Variants in F13A1 observed in about 807,000 individuals in gnomAD.
The protein encoded by F13A1 is coagulation factor XIII A chain.
A neutral mutation model predicts 80.1 loss-of-function variants in F13A1; 47 were observed. That is an observed-to-expected ratio of 0.59 (90% CI 0.46 to 0.75). The LOEUF is 0.75. Ranked by LOEUF, F13A1 falls within the 30% of genes least tolerant of loss-of-function variation. F13A1 has a pLI of 0.00. For missense variants in F13A1, 817 were observed against 930.4 expected, an observed-to-expected ratio of 0.88 and a Z score of 1.59; for synonymous variants, 349 against 344.9, an observed-to-expected ratio of 1.01 and a Z score of -0.13.
intron 4 of F13A1, among the ~76,000 whole-genome samples, chr6:6,258,843 C>T (rs1277578279): frequency 5.9e-5 from 9 of 152,188 alleles, no homozygotes; most frequent in Non-Finnish European, 1.5e-5. Context: ...TATGCAAATA[C>T]TGTTCTGGGT....
chr6:6,186,146 CA>C lies in F13A1; in HGVS notation c.1306-4006del, dbSNP rs1340803413. On this transcript the variant is annotated intron_variant, in intron 10 of 14. Transcript: ENST00000264870. ...AGCCCTTTGTCAGATGAGTAGGTTG[CA>C]AAAATTTTCTCCCATTCTGTAGGTT... 2.6e-5 allele frequency among the ~76,000 whole-genome samples: 4 copies of C among 151,026 alleles called. No homozygotes were observed. In the East Asian group the frequency reaches 7.8e-4, roughly 30 times the overall value.
At chr6:6,201,906 C>A (rs1226782879) in intron 8 of F13A1, among the ~76,000 whole-genome samples, 1 of 152,098 alleles carries the variant, frequency 6.6e-6, no homozygotes, top group African/African-American at 2.4e-5. Flanking sequence ...ACAGTAGTGT[C>A]ATTTCCCTTT....
intron 7 of F13A1, among the ~76,000 whole-genome samples, chr6:6,224,108 G>A (rs1453414237): frequency 2.0e-5 from 3 of 152,172 alleles, no homozygotes; most frequent in Non-Finnish European, 2.9e-5. Context: ...TTAAAAACCA[G>A]AGGGGAAACT....
intron 2 of F13A1, among the ~76,000 whole-genome samples, chr6:6,313,441 A>G (rs1435614941): frequency 6.6e-6 from 1 of 152,130 alleles, no homozygotes; most frequent in African/African-American, 2.4e-5. Flanking sequence ...CGGAGGAGCA[A>G]CTGCCTCCCT....
rs756889000 is a variant in F13A1, at chr6:6,145,580, G to C, written c.*39C>G. 5.6e-6 allele frequency: 9 copies of C among 1,613,958 alleles called. No homozygotes were observed. Among genetic ancestry groups the C allele is most frequent in the Non-Finnish European group, 7.6e-6 (9 of 1,179,878 alleles). ...AGAATTTCCTTAGCCAAGACTACAA[G>C]AGGCCAAATGCCAGGGTTCATCTCA... On this transcript the variant is annotated 3_prime_UTR_variant, in exon 15 of 15. Transcript: ENST00000264870.
Position 6,250,637 on chromosome 6 carries a change from C to T in F13A1, c.690+174G>A, listed in dbSNP as rs187798801. 3.9e-5 allele frequency among the ~76,000 whole-genome samples: 6 copies of T among 152,262 alleles called. No homozygotes were observed. The highest frequency in any genetic ancestry group is 9.6e-5 in the African/African-American group (4 of 41,562). On this transcript the variant is annotated intron_variant, in intron 5 of 14. Coordinates refer to ENST00000264870, the MANE Select transcript of F13A1 (RefSeq NM_000129.4). The surrounding 1 kb of genome is among the most constrained non-coding windows in gnomAD (Gnocchi z 4.2). ...ATATGTGGTTTCAGCTGATAAATTA[C>T]GCAGTTGTCTTTATGAGTCCCTACT...
At chr6:6,281,652 T>C (rs942623585) in intron 3 of F13A1, among the ~76,000 whole-genome samples, 1 of 152,200 alleles carries the variant, frequency 6.6e-6, no homozygotes, top group Non-Finnish European at 1.5e-5. Context: ...GAGCACACTG[T>C]TGGCACATTG....
At chr6:6,236,493 A>G (rs1278964373) in intron 6 of F13A1, among the ~76,000 whole-genome samples, 1 of 152,152 alleles carries the variant, frequency 6.6e-6, no homozygotes, top group Non-Finnish European at 1.5e-5. Flanking sequence ...CTAACTTGAT[A>G]CTGAAAAATA....
At chr6:6,264,311 T>G (rs1757815511) in intron 4 of F13A1, among the ~76,000 whole-genome samples, 1 of 152,240 alleles carries the variant, frequency 6.6e-6, no homozygotes, top group Admixed American at 6.5e-5. Flanking sequence ...CTGGGTAAAT[T>G]ATAGCATTCC....
At chr6:6,171,941 T>G (rs1350356224) in intron 12 of F13A1, among the ~76,000 whole-genome samples, 1 of 152,212 alleles carries the variant, frequency 6.6e-6, no homozygotes, top group African/African-American at 2.4e-5. Flanking sequence ...AGAGAGGGTT[T>G]TTTTTCTGAC....
At chr6:6,222,470 T>C (rs1172150175) in intron 7 of F13A1, among the ~76,000 whole-genome samples, 2 of 152,194 alleles carry the variant, frequency 1.3e-5, no homozygotes, top group African/African-American at 2.4e-5. Flanking sequence ...ATCAACGTAG[T>C]ATTATTTTAG....
At chr6:6,223,265 T>C (rs565166045) in intron 7 of F13A1, among the ~76,000 whole-genome samples, 1 of 152,352 alleles carries the variant, frequency 6.6e-6, no homozygotes, top group South Asian at 2.1e-4. Flanking sequence ...CAGGCATAGA[T>C]TGGATAACCT....
chr6:6,202,638 C>T (rs1356992639), intron 8 of F13A1, among the ~76,000 whole-genome samples: 1 of 152,166 alleles, frequency 6.6e-6, no homozygotes, highest in Admixed American at 6.5e-5. Context: ...TCCTTGTTGC[C>T]TCTTTCTATA....
intron 10 of F13A1, among the ~76,000 whole-genome samples, chr6:6,188,469 T>G (rs1190336591): frequency 4.6e-4 from 60 of 130,480 alleles, no homozygotes; most frequent in Middle Eastern, 3.4e-3. Context: ...TCTGCCTTCA[T>G]TTCGTTATGT....
intron 10 of F13A1, among the ~76,000 whole-genome samples, chr6:6,184,468 C>T (rs1306710400): frequency 6.6e-6 from 1 of 152,164 alleles, no homozygotes; most frequent in African/African-American, 2.4e-5. Context: ...GGGTGCTAGC[C>T]ACATGTTGTG....
At chr6:6,237,192 G>T (rs1242553648) in intron 6 of F13A1, among the ~76,000 whole-genome samples, 1 of 152,088 alleles carries the variant, frequency 6.6e-6, no homozygotes, top group Non-Finnish European at 1.5e-5. Context: ...CACAGTTCTG[G>T]GAATGTAGAG....
chr6:6,210,324 GATATATATATATATAT>G (rs34960466), intron 8 of F13A1, among the ~76,000 whole-genome samples: 3 of 82,906 alleles, frequency 3.6e-5, no homozygotes, highest in Admixed American at 1.2e-4. Flanking sequence ...TGTAGCATGT[GATATATATATATATAT>G]ATATATATTT....
At chr6:6,303,750 C>T (rs1758470430) in intron 3 of F13A1, among the ~76,000 whole-genome samples, 1 of 152,052 alleles carries the variant, frequency 6.6e-6, no homozygotes, top group African/African-American at 2.4e-5. Context: ...ATTGGTTTCT[C>T]ATGTTTTTTA....
chr6:6,155,650 T>C (rs1389617540), intron 13 of F13A1, among the ~76,000 whole-genome samples: 3 of 152,118 alleles, frequency 2.0e-5, no homozygotes, highest in Non-Finnish European at 4.4e-5. Flanking sequence ...ATGCTCGACA[T>C]CACTGTGTTC....
Sources: gnomAD v4.1 joint callset for allele counts (sites outside exome capture counted in the v4.1 genomes callset) on GRCh38, gnomAD v4.1.1 for gene constraint, Gnocchi (gnomAD v3.1) non-coding constraint, MANE v1.5 for transcripts, NCBI Gene and HGNC (gene_info 2026-07-23, HGNC 2026-07-21) for gene names.